The following LLGL2 variants were observed in gnomAD, a reference collection of about 807,000 sequenced individuals.
LLGL2 encodes LLGL scribble cell polarity complex component 2, also known as LLGL2, scribble cell polarity complex component.
In LLGL2, 81 loss-of-function variants were observed where a neutral mutation model predicts 123.2. The observed-to-expected ratio is 0.66, with a 90% confidence interval of 0.55 to 0.79. The LOEUF is 0.79. Ranked by LOEUF, LLGL2 falls within the 30% of genes least tolerant of loss-of-function variation. The pLI is 0.00. For missense variants in LLGL2, 1,273 were observed against 1,414.6 expected (o/e 0.90, Z 1.61); for synonymous variants, 577 against 594.1 (o/e 0.97, Z 0.42).
intron 1 of LLGL2, among the ~76,000 whole-genome samples, chr17:75,537,308 A>G (rs2054040584): frequency 6.6e-6 from 1 of 152,114 alleles, no homozygotes; most frequent in African/African-American, 2.4e-5. Flanking sequence ...TCAATGGATC[A>G]TTTTATCCTA....
In LLGL2 at chr17:75,558,118, G is replaced by A; in HGVS notation, c.174-37G>A. On this transcript the variant is annotated intron_variant, in intron 3 of 25. Coordinates refer to ENST00000392550, the MANE Select transcript of LLGL2 (RefSeq NM_001031803.2). This position sits in a 1 kb window ranked among gnomAD's most constrained non-coding sequence, Gnocchi z 4.0. ...GCACTCAAGGCAGGCAGGGGATGGTGTCCGACCTTCCAGAGCTTTCCTGAG... is the reference window on the plus strand; with the variant it reads ...GCACTCAAGGCAGGCAGGGGATGGTATCCGACCTTCCAGAGCTTTCCTGAG... 7 of 1,596,348 alleles carry A rather than the reference G, an allele frequency of 4.4e-6. No individual in the cohort carries two copies. The South Asian group carries it at 7.7e-5, about 18-fold the overall frequency.
Position 75,549,561 on chromosome 17 carries a change from G to A in LLGL2, c.75+6060G>A, listed in dbSNP as rs1286092411. Among the ~76,000 whole-genome samples the A allele has an allele frequency of 6.6e-6, 1 of 152,208 alleles. No individual in the cohort carries two copies. Among genetic ancestry groups the A allele is most frequent in the Non-Finnish European group, 1.5e-5 (1 of 68,034 alleles). On this transcript the variant is annotated intron_variant, in intron 2 of 25. Coordinates refer to ENST00000392550, the MANE Select transcript of LLGL2 (RefSeq NM_001031803.2). This position sits in a 1 kb window ranked among gnomAD's most constrained non-coding sequence, Gnocchi z 4.0. ...TGGCTTTCGAATGGCTGGGCCCCTG[G>A]TGTCAGGTGACAGCAGCCACACAGG...
At chr17:75,556,281 AT>A in intron 3 of LLGL2, 138 bp downstream of exon 3, 1 of 708,636 alleles carries the variant, frequency 1.4e-6, no homozygotes, top group Non-Finnish European at 2.4e-6. Context: ...TTTGGACATG[AT>A]TTTATTCCAA....
In LLGL2 at chr17:75,544,744, G is replaced by A. The variant is rs890684722; in HGVS notation, c.75+1243G>A. Among the ~76,000 whole-genome samples, 2 of 152,160 alleles carry A rather than the reference G, an allele frequency of 1.3e-5. No individual in the cohort carries two copies. The highest frequency in any genetic ancestry group is 2.4e-5 in the African/African-American group (1 of 41,440). ...TCCCCGTTGGGAGAGGTGGGTCAGC[G>A]CTCCCAATGTGCCCTGCCATTTCTC... is the stretch of plus-strand genomic sequence containing the variant. On this transcript the variant is annotated intron_variant, in intron 2 of 25. Coordinates refer to ENST00000392550, the MANE Select transcript of LLGL2 (RefSeq NM_001031803.2). The surrounding 1 kb of genome is among the most constrained non-coding windows in gnomAD (Gnocchi z 4.2).
Position 75,543,386 on chromosome 17 carries a change from T to G in LLGL2, c.-30-11T>G. ...CAGGACAGACCCCTGCAGCTCCTTC[T>G]GTTTCTCCAGGTCTCCAGTGGGGGC... On this transcript the variant is annotated splice_polypyrimidine_tract_variant and intron_variant, in intron 1 of 25. Coordinates refer to ENST00000392550, the MANE Select transcript of LLGL2 (RefSeq NM_001031803.2). The G allele has an allele frequency of 6.3e-7, 1 of 1,577,092 alleles. No homozygotes were observed. Among genetic ancestry groups the G allele is most frequent in the Non-Finnish European group, 8.6e-7 (1 of 1,156,548 alleles).
intron 1 of LLGL2, among the ~76,000 whole-genome samples, chr17:75,528,564 C>A (rs940092053): frequency 6.6e-6 from 1 of 152,116 alleles, no homozygotes; most frequent in Non-Finnish European, 1.5e-5. Flanking sequence ...CATGGAGATA[C>A]CCTGTCTCTA....
chr17:75,534,214 G>T (rs1044147580), intron 1 of LLGL2, among the ~76,000 whole-genome samples: 1 of 152,290 alleles, frequency 6.6e-6, no homozygotes, highest in Non-Finnish European at 1.5e-5. Flanking sequence ...CAGAATGGGG[G>T]TGCGTTCCCA....
intron 1 of LLGL2, among the ~76,000 whole-genome samples, chr17:75,526,299 C>G (rs569817632): frequency 6.6e-6 from 1 of 152,292 alleles, no homozygotes; most frequent in African/African-American, 2.4e-5. Flanking sequence ...CCTGCCGGCC[C>G]TTTGTGCCTC....
chr17:75,543,848 C>T (rs1434456592), intron 2 of LLGL2, among the ~76,000 whole-genome samples: 1 of 152,052 alleles, frequency 6.6e-6, no homozygotes, highest in Non-Finnish European at 1.5e-5. Context: ...GGTTTAGGGA[C>T]GTGGGAGATG....
rs1389238975 is a variant in LLGL2 at position 75,569,242 on chromosome 17, A to G, written c.1498A>G (p.Ser500Gly). 3 of 1,613,368 alleles carry G rather than the reference A, an allele frequency of 1.9e-6. No homozygotes were observed. The South Asian group carries it at 3.3e-5, about 18-fold the overall frequency. The change falls in exon 14 of 26, where the codon AGT becomes GGT. Residue 500 changes from serine (S) to glycine (G), a missense_variant. Physicochemically the swap from Ser to Gly is moderately conservative, Grantham distance 56. Transcript: ENST00000392550. Reference protein sequence around the residue: ...LRKVGSFDPYSDDPRLGIQKI... With the variant: ...LRKVGSFDPYGDDPRLGIQKI... ...CCAGGTGGGCTCCTTTGACCCCTACAGTGATGACCCCCGGCTGGGCATCCA... is the reference window on the plus strand; with the variant it reads ...CCAGGTGGGCTCCTTTGACCCCTACGGTGATGACCCCCGGCTGGGCATCCA...
At chr17:75,536,502 A>G (rs2054007331) in intron 1 of LLGL2, among the ~76,000 whole-genome samples, 1 of 152,114 alleles carries the variant, frequency 6.6e-6, no homozygotes. Context: ...CCGTGTCTCT[A>G]GGGGGTACCT....
rs2055109511 is a variant in LLGL2, at chr17:75,559,670, C to T, written c.530+260C>T. The stretch of plus-strand genomic sequence containing the variant: ...CCAAATGACTGTGTAATGTCACCGA[C>T]TGTCAGTCCAGTGTCCTTTGCACTT... On this transcript the variant is annotated intron_variant, in intron 6 of 25. Coordinates refer to ENST00000392550, the MANE Select transcript of LLGL2 (RefSeq NM_001031803.2). The surrounding 1 kb of genome is among the most constrained non-coding windows in gnomAD (Gnocchi z 4.6). Among the ~76,000 whole-genome samples, 1 of 152,258 alleles carries T rather than the reference C, an allele frequency of 6.6e-6. No homozygotes were observed.
rs749835566 is a variant in LLGL2 at position 75,569,291 on chromosome 17, G to A, written c.1547G>A (p.Ser516Asn). 1.2e-6 allele frequency: 2 copies of A among 1,613,430 alleles called. No individual in the cohort carries two copies. The highest frequency in any genetic ancestry group is 2.2e-5 in the South Asian group (2 of 91,076). The change falls in exon 14 of 26, where the codon AGC (serine) becomes AAC (asparagine). Residue 516 changes from serine to asparagine, a missense_variant. Ser to Asn is a conservative substitution (Grantham distance 46). Transcript: ENST00000392550. ...GIQKIFLCKY[S>N]GYLAVAGTAG... is the part of the protein sequence containing the mutation. ...CAGAAGATCTTCCTCTGCAAGTACA[G>A]CGGCTACCTGGCTGTGGCAGGCACG...
In LLGL2 at chr17:75,574,279, G is replaced by A; in HGVS notation, c.2953+19G>A. The A allele has an allele frequency of 1.3e-6, 2 of 1,520,796 alleles. No individual in the cohort carries two copies. The highest frequency in any genetic ancestry group is 1.8e-6 in the Non-Finnish European group (2 of 1,128,620). The allele number at this position is 1,520,796 out of a possible 1,614,324, so 94.2% of individuals were successfully genotyped here. On this transcript the variant is annotated intron_variant, in intron 23 of 25. Coordinates refer to ENST00000392550, the MANE Select transcript of LLGL2 (RefSeq NM_001031803.2). ...GATGAGAGTGAGTTGGGTGGGAGAG[G>A]GTGGGGCTGGCAGGAGGGGTGGGGA... is the stretch of plus-strand genomic sequence containing the variant.
intron 2 of LLGL2, 148 bp downstream of exon 2, chr17:75,543,649 C>A: frequency 1.8e-6 from 1 of 541,048 alleles, no homozygotes; most frequent in South Asian, 3.1e-5. Flanking sequence ...GGAAATGGGG[C>A]CTGGTTAAAG....
chr17:75,553,188 G>A (rs971145763), intron 2 of LLGL2, among the ~76,000 whole-genome samples: 1 of 152,132 alleles, frequency 6.6e-6, no homozygotes, highest in African/African-American at 2.4e-5. Flanking sequence ...TGCATTTTTC[G>A]CATAGCTGAA....
rs756057349 is a variant in LLGL2 at position 75,573,477 on chromosome 17, C to G, written c.2726-4C>G. 1 of 1,603,732 alleles carries G rather than the reference C, an allele frequency of 6.2e-7. No individual in the cohort carries two copies. Among genetic ancestry groups the G allele is most frequent in the South Asian group, 1.1e-5 (1 of 90,940 alleles). ...AGGCCGCTAGCATTGCCCCCACTCC[C>G]CAGGCTTCTACCTGATCTCACCCTC... On this transcript the variant is annotated splice_polypyrimidine_tract_variant and splice_region_variant and intron_variant, in intron 20 of 25. Coordinates refer to ENST00000392550, the MANE Select transcript of LLGL2 (RefSeq NM_001031803.2).
chr17:75,534,076 G>A lies in LLGL2; in HGVS notation c.-31+8251G>A, dbSNP rs1038274182. On this transcript the variant is annotated intron_variant, in intron 1 of 25. Transcript: ENST00000392550. The stretch of plus-strand genomic sequence containing the variant: ...TGGATGGGCTGGATGGCCTGCCCAC[G>A]CCAGCCCCAGGCAGGTGGTCCATCT... Among the ~76,000 whole-genome samples, 26 of 152,250 alleles carry A rather than the reference G, an allele frequency of 1.7e-4. 1 individual carries two copies.
chr17:75,568,741 C>T, intron 11 of LLGL2, 31 bp from the exon 12 acceptor site: 1 of 1,611,858 alleles, frequency 6.2e-7, no homozygotes. Context: ...AAGCCAAACT[C>T]TCCCATGGAC....
Sources: allele counts gnomAD v4.1 joint callset (sites outside exome capture counted in the v4.1 genomes callset), GRCh38; gene constraint gnomAD v4.1.1; non-coding constraint Gnocchi (gnomAD v3.1); transcripts MANE v1.5; gene names NCBI Gene and HGNC (gene_info 2026-07-23, HGNC 2026-07-21).